CRADD: variants seen among roughly 807,000 people sequenced by gnomAD.
CRADD encodes the protein death domain-containing protein CRADD.
In CRADD, 9 loss-of-function variants were observed where a neutral mutation model predicts 15.5. That is an observed-to-expected ratio of 0.58 (90% CI 0.35 to 1.01). The LOEUF (loss-of-function observed/expected upper bound fraction) is 1.01, where lower values mean the gene tolerates loss of function less well. CRADD is among the 50% of genes least tolerant of loss of function. The pLI is 0.02. For synonymous variants in CRADD, 118 were observed against 107.6 expected (o/e 1.10, Z -0.60); for missense variants, 227 against 250.3 (o/e 0.91, Z 0.63).
In CRADD at chr12:93,734,176, C is replaced by G. The variant is rs554416488; in HGVS notation, c.298+55104C>G. On this transcript the variant is annotated intron_variant, in intron 2 of 2. Transcript: ENST00000332896. ...TGTCCATCCATCCCATCCATCCGTC[C>G]ATCCATCCATCCATCCGTCCATCCA... 5.9e-5 allele frequency among the ~76,000 whole-genome samples: 9 copies of G among 152,012 alleles called. No homozygotes were observed. The South Asian group carries it at 6.2e-4, about 11-fold the overall frequency.
chr12:93,733,883 G>A (rs746153171), intron 2 of CRADD, among the ~76,000 whole-genome samples: 7 of 151,866 alleles, frequency 4.6e-5, no homozygotes, highest in Non-Finnish European at 5.9e-5. Flanking sequence ...CTACAGGCAT[G>A]CGCTACCACA....
chr12:93,679,758 A>G (rs1955240525), intron 2 of CRADD, among the ~76,000 whole-genome samples: 1 of 152,200 alleles, frequency 6.6e-6, no homozygotes, highest in South Asian at 2.1e-4. Flanking sequence ...GAAAGCAGGC[A>G]TTCGGCCTAC....
At chr12:93,846,769 A>AT (rs1241912958) in intron 2 of CRADD, among the ~76,000 whole-genome samples, 5 of 152,264 alleles carry the variant, frequency 3.3e-5, no homozygotes, top group South Asian at 2.1e-4. Flanking sequence ...ACCCAGGAAG[A>AT]TTTTCCCAAA....
At chr12:93,716,123 C>T (rs1181479270) in intron 2 of CRADD, among the ~76,000 whole-genome samples, 1 of 147,914 alleles carries the variant, frequency 6.8e-6, no homozygotes, top group African/African-American at 2.5e-5. Flanking sequence ...CAGAGCAAGA[C>T]TCCACCTCAA....
chr12:93,802,480 A>T (rs1316959895), intron 2 of CRADD, among the ~76,000 whole-genome samples: 1 of 133,980 alleles, frequency 7.5e-6, no homozygotes, highest in Non-Finnish European at 1.6e-5. Flanking sequence ...GTGATGCAGC[A>T]GCCAGGAGAA....
chr12:93,741,173 A>G (rs1041291838), intron 2 of CRADD, among the ~76,000 whole-genome samples: 5 of 152,210 alleles, frequency 3.3e-5, no homozygotes, highest in African/African-American at 1.2e-4. Context: ...GGAGTTGTGT[A>G]CTTACCCTTA....
chr12:93,847,846 T>C (rs1381845638), intron 2 of CRADD, among the ~76,000 whole-genome samples: 1 of 152,242 alleles, frequency 6.6e-6, no homozygotes, highest in Non-Finnish European at 1.5e-5. Context: ...TTTTCGTAAC[T>C]TTTTTCTGTG....
chr12:93,882,543 A>T (rs1453144116), intron 2 of CRADD, among the ~76,000 whole-genome samples: 1 of 152,090 alleles, frequency 6.6e-6, no homozygotes, highest in Non-Finnish European at 1.5e-5. Flanking sequence ...ATTTGTATAT[A>T]AAAGATTTGT....
chr12:93,865,176 C>T (rs1286940955), intron 2 of CRADD, among the ~76,000 whole-genome samples: 1 of 152,118 alleles, frequency 6.6e-6, no homozygotes, highest in Non-Finnish European at 1.5e-5. Context: ...TTGCTATGGG[C>T]AGCACAGAAA....
chr12:93,692,987 T>C (rs1003876601), intron 2 of CRADD, among the ~76,000 whole-genome samples: 1 of 152,146 alleles, frequency 6.6e-6, no homozygotes, highest in Non-Finnish European at 1.5e-5. Flanking sequence ...TGTAGAATTT[T>C]TGTATGTGAT....
At chr12:93,712,573 T>C (rs1388650486) in intron 2 of CRADD, among the ~76,000 whole-genome samples, 2 of 152,224 alleles carry the variant, frequency 1.3e-5, no homozygotes, top group African/African-American at 4.8e-5. Flanking sequence ...TTGTTCAAAA[T>C]GGGTTTTGGA....
chr12:93,678,965 G>T lies in CRADD; in HGVS notation c.191G>T (p.Arg64Met). 6.2e-7 allele frequency: 1 copy of T among 1,614,052 alleles called. No homozygotes were observed. Among genetic ancestry groups the T allele is most frequent in the South Asian group, 1.1e-5 (1 of 91,078 alleles). ...CTCCTGCTGGATATCCTACCTTCCA[G>T]GGGCCCTAAAGCATTTGATACATTC... ...TMLLLDILPS[R>M]GPKAFDTFLD... Residue 64 changes from arginine (R) to methionine (M), a missense_variant, in exon 2 of 3, where the codon AGG becomes ATG. By Grantham distance (91) the Arg-to-Met change is moderately conservative (BLOSUM62 -1). Coordinates refer to ENST00000332896, the MANE Select transcript of CRADD (RefSeq NM_003805.5).
chr12:93,774,000 A>ATT lies in CRADD; in HGVS notation c.299-75955_299-75954dup, dbSNP rs112039885. 3.5e-3 allele frequency among the ~76,000 whole-genome samples: 458 copies of ATT among 131,820 alleles called. 3 individuals are homozygous for ATT. The highest frequency in any genetic ancestry group is 9.1e-3 in the East Asian group (41 of 4,520). The allele number at this position is 131,820 out of a possible 152,430, so 86.5% of individuals were successfully genotyped here. A position where few individuals can be genotyped will look rare whatever the true frequency, so the allele number is the denominator to read the frequency against. Reference sequence around the variant, plus strand: ...AGGTGTGCACCACTCCACCTGGCTAATTTTTTTTTTTTTTTTGTAGAGATG... The same window carrying ATT: ...AGGTGTGCACCACTCCACCTGGCTAATTTTTTTTTTTTTTTTTTGTAGAGATG... On this transcript the variant is annotated intron_variant, in intron 2 of 2. Transcript: ENST00000332896.
intron 2 of CRADD, among the ~76,000 whole-genome samples, chr12:93,727,538 T>C (rs12817549): frequency 0.41 from 62,078 of 152,060 alleles, 13,155 homozygotes; most frequent in East Asian, 0.57. Context: ...CCCTGTGAAG[T>C]AATAAGTGAT....
At chr12:93,766,571 T>A (rs945033974) in intron 2 of CRADD, among the ~76,000 whole-genome samples, 91 of 152,334 alleles carry the variant, frequency 6.0e-4, no homozygotes, top group African/African-American at 2.1e-3. Flanking sequence ...TGCCCTGCAG[T>A]CCCTTTACTG....
chr12:93,864,396 T>C (rs1248476075), intron 2 of CRADD, among the ~76,000 whole-genome samples: 3 of 152,150 alleles, frequency 2.0e-5, no homozygotes, highest in Non-Finnish European at 1.5e-5. Flanking sequence ...ACACACATTT[T>C]CTCTTCTGAA....
chr12:93,705,753 C>T (rs1955934999), intron 2 of CRADD, among the ~76,000 whole-genome samples: 1 of 152,186 alleles, frequency 6.6e-6, no homozygotes. Flanking sequence ...TGATTTATAT[C>T]CTCAGCTTCA....
chr12:93,818,316 A>T (rs1472974801), intron 2 of CRADD, among the ~76,000 whole-genome samples: 1 of 152,194 alleles, frequency 6.6e-6, no homozygotes, highest in African/African-American at 2.4e-5. Flanking sequence ...AGAAGATGGG[A>T]TACAAAAAGG....
chr12:93,875,733 T>C (rs868104494), intron 2 of CRADD, among the ~76,000 whole-genome samples: 5 of 152,274 alleles, frequency 3.3e-5, no homozygotes, highest in African/African-American at 1.2e-4. Flanking sequence ...TTTTAACTTT[T>C]TGTTGTTCTA....
Sources: gnomAD v4.1 joint callset for allele counts (sites outside exome capture counted in the v4.1 genomes callset) on GRCh38, gnomAD v4.1.1 for gene constraint, MANE v1.5 for transcripts, NCBI Gene and HGNC (gene_info 2026-07-23, HGNC 2026-07-21) for gene names.